DOCK8: variants seen among roughly 807,000 people sequenced by gnomAD.
The protein encoded by DOCK8 is dedicator of cytokinesis protein 8.
In DOCK8, 141 loss-of-function variants were observed where a neutral mutation model predicts 245.6. The observed-to-expected ratio is 0.57, with a 90% CI of 0.50 to 0.66. The LOEUF (loss-of-function observed/expected upper bound fraction) is 0.66. DOCK8 is among the 30% of genes least tolerant of loss of function. DOCK8 has a pLI of 0.00. For synonymous variants in DOCK8, 1,168 were observed against 970.2 expected, an observed-to-expected ratio of 1.20 and a Z score of -3.79; for missense variants, 2,965 against 2,603.4, an observed-to-expected ratio of 1.14 and a Z score of -3.02.
upstream of DOCK8, among the ~76,000 whole-genome samples, chr9:211,940 A>G (rs138744036): frequency 1.5e-3 from 234 of 152,264 alleles, 1 homozygote; most frequent in African/African-American, 5.4e-3. Flanking sequence ...CTTCCAGTTA[A>G]GTAGGGTAGA....
Position 214,991 on chromosome 9 carries a change from G to A in DOCK8, c.15G>A (p.Pro5=), listed in dbSNP as rs148276394. The A allele has an allele frequency of 4.4e-4, 709 of 1,597,620 alleles. 3 individuals are homozygous for A. Among genetic ancestry groups the A allele is most frequent in the Non-Finnish European group, 4.6e-4 (542 of 1,175,858 alleles). Reference sequence around the variant, plus strand: ...GCCGGCGGGCCATGGCCACTCTGCCGAGCGCAGAGCGCCGCGCGTTCGCGC... The same window carrying A: ...GCCGGCGGGCCATGGCCACTCTGCCAAGCGCAGAGCGCCGCGCGTTCGCGC... MATL[P]SAERRAFALK... Residue 5 remains proline (P), a synonymous_variant, in exon 1 of 48, where the codon CCG becomes CCA. Transcript: ENST00000432829.
intron 1 of DOCK8, among the ~76,000 whole-genome samples, chr9:256,061 T>C (rs2047765398): frequency 6.6e-6 from 1 of 152,210 alleles, no homozygotes; most frequent in Non-Finnish European, 1.5e-5. Context: ...TCTATCACAC[T>C]AACATGACCA....
intron 14 of DOCK8, among the ~76,000 whole-genome samples, chr9:358,427 T>C (rs2052553893): frequency 6.6e-6 from 1 of 152,212 alleles, no homozygotes; most frequent in African/African-American, 2.4e-5. Flanking sequence ...AAGGCAGTTA[T>C]AGAGGTTATA....
At chr9:420,087 G>T in intron 30 of DOCK8, 2 of 423,568 alleles carry the variant, frequency 4.7e-6, no homozygotes, top group South Asian at 4.5e-5. Flanking sequence ...CAGCACGCAT[G>T]ATCAAGGCCC....
At position 420,491 on chromosome 9, in the gene DOCK8, C is replaced by T; in HGVS notation, c.3931C>T (p.Leu1311Phe). 1.2e-6 allele frequency: 2 copies of T among 1,614,122 alleles called. No homozygotes were observed. Among genetic ancestry groups the T allele is most frequent in the African/African-American group, 1.3e-5 (1 of 75,020 alleles). Residue 1311 changes from leucine (L) to phenylalanine (F), a missense_variant, in exon 31 of 48, where the codon CTC becomes TTC. This residue lies in a region of DOCK8 where 2,825 missense variants were observed against 2,453.5 expected (regional missense o/e 1.15). Coordinates refer to ENST00000432829, the MANE Select transcript of DOCK8 (RefSeq NM_203447.4). ...LWIMKNADQSLIRKWIADLPS... is the reference protein window; with the variant it reads ...LWIMKNADQSFIRKWIADLPS... ...GATCATGAAAAATGCTGATCAGAGC[C>T]TCATTAGGAAGTGGATTGCTGACCT...
intron 14 of DOCK8, among the ~76,000 whole-genome samples, chr9:367,085 A>C (rs148100715): frequency 1.8e-3 from 270 of 152,344 alleles, no homozygotes; most frequent in African/African-American, 6.3e-3. Context: ...CATGGGGATG[A>C]TGACAATGAT....
chr9:422,256 C>T (rs531689974), intron 33 of DOCK8, 121 bp downstream of exon 33: 3 of 843,572 alleles, frequency 3.6e-6, no homozygotes, highest in East Asian at 5.3e-5. Flanking sequence ...ACATCATTAT[C>T]TGTGTAAATA....
chr9:241,575 A>T (rs1361960086), intron 1 of DOCK8, among the ~76,000 whole-genome samples: 3 of 152,128 alleles, frequency 2.0e-5, no homozygotes, highest in Admixed American at 2.0e-4. Flanking sequence ...TTTTTAATGG[A>T]TACCATTCCA....
chr9:292,218 A>C (rs943953246), intron 4 of DOCK8, among the ~76,000 whole-genome samples: 6 of 151,184 alleles, frequency 4.0e-5, no homozygotes, highest in African/African-American at 1.5e-4. Context: ...TAAAAATACA[A>C]AATTAACCGG....
intron 1 of DOCK8, among the ~76,000 whole-genome samples, chr9:228,083 A>C (rs1050139002): frequency 6.6e-6 from 1 of 152,104 alleles, no homozygotes; most frequent in Non-Finnish European, 1.5e-5. Flanking sequence ...CATGCAGAGG[A>C]AATAGAGGAA....
chr9:325,432 C>T (rs978629189), intron 7 of DOCK8, among the ~76,000 whole-genome samples: 1 of 152,144 alleles, frequency 6.6e-6, no homozygotes, highest in African/African-American at 2.4e-5. Context: ...GTGAGATATT[C>T]CAAAAATATC....
At chr9:264,255 A>G (rs1587687075) in intron 1 of DOCK8, among the ~76,000 whole-genome samples, 1 of 152,254 alleles carries the variant, frequency 6.6e-6, no homozygotes, top group East Asian at 1.9e-4. Context: ...GTCTCTGAAG[A>G]CAGTGAGAAA....
At chr9:386,547 C>G (rs2053962994) in intron 23 of DOCK8, 121 bp downstream of exon 23, 1 of 791,082 alleles carries the variant, frequency 1.3e-6, no homozygotes, top group East Asian at 2.8e-5. Context: ...TGTGCTAACA[C>G]ACACACACCC....
At chr9:452,205 C>T in intron 46 of DOCK8, 88 bp downstream of exon 46, 1 of 850,508 alleles carries the variant, frequency 1.2e-6, no homozygotes, top group Non-Finnish European at 1.9e-6. Flanking sequence ...CACCTGAGAA[C>T]TTGCTAGAAA....
intron 30 of DOCK8, 144 bp from the exon 31 acceptor site, chr9:420,257 A>G (rs889300202): frequency 6.6e-6 from 6 of 907,896 alleles, no homozygotes; most frequent in African/African-American, 1.6e-5. Context: ...TACTGGCAAT[A>G]GATCTCCAGC....
At chr9:253,815 T>C (rs941512205) in intron 1 of DOCK8, among the ~76,000 whole-genome samples, 1 of 152,190 alleles carries the variant, frequency 6.6e-6, no homozygotes, top group Non-Finnish European at 1.5e-5. Context: ...TTATCATGGA[T>C]CAACTTTACC....
At chr9:216,305 G>C in intron 1 of DOCK8, among the ~76,000 whole-genome samples, 1 of 152,054 alleles carries the variant, frequency 6.6e-6, no homozygotes, top group Non-Finnish European at 1.5e-5. Context: ...CCAGATGGGA[G>C]GATTACTTGA....
Position 382,640 on chromosome 9 carries a change from A to T in DOCK8, c.2733A>T (p.Thr911=), listed in dbSNP as rs778958502. The part of the protein sequence containing the change: ...MSSSNPDLAG[T]HSAADEEVKN... ...GCAGTAACCCAGACCTCGCGGGGAC[A>T]CACTCCGCAGCAGACGAGGAAGTGA... Residue 911 remains threonine (T), a synonymous_variant, in exon 22 of 48, where the codon ACA becomes ACT. Transcript: ENST00000432829. The T allele has an allele frequency of 6.2e-7, 1 of 1,614,186 alleles. No homozygotes were observed. Among genetic ancestry groups the T allele is most frequent in the Non-Finnish European group, 8.5e-7 (1 of 1,180,028 alleles).
intron 4 of DOCK8, among the ~76,000 whole-genome samples, chr9:293,831 T>C (rs1407419709): frequency 6.6e-6 from 1 of 152,260 alleles, no homozygotes; most frequent in Non-Finnish European, 1.5e-5. Flanking sequence ...ATTAATTATT[T>C]AGCTCTCCTT....
Sources: gnomAD v4.1 joint callset for allele counts (sites outside exome capture counted in the v4.1 genomes callset) on GRCh38, gnomAD v4.1.1 for gene constraint, gnomAD v4.1.1 regional missense constraint, MANE v1.5 for transcripts, NCBI Gene and HGNC (gene_info 2026-07-23, HGNC 2026-07-21) for gene names.